Variants in KIRREL3 observed in about 807,000 individuals in gnomAD.
KIRREL3 encodes the protein kirre like nephrin family adhesion molecule 3.
KIRREL3 carries 36 observed loss-of-function variants against 89.7 expected under a neutral mutation model. That is an observed-to-expected ratio of 0.40 (90% CI 0.31 to 0.53). The LOEUF is 0.53. KIRREL3 is among the 20% of genes least tolerant of loss of function. KIRREL3 has a pLI of 0.49. For missense variants in KIRREL3, 864 were observed against 1,056.6 expected, an observed-to-expected ratio of 0.82 and a Z score of 2.53; for synonymous variants, 445 against 441.4, an observed-to-expected ratio of 1.01 and a Z score of -0.10.
In KIRREL3 at chr11:126,872,226, C is replaced by T. The variant is rs767962912; in HGVS notation, c.55+128229G>A. ...GTGTCATGACACTTTACAAATGCCA[C>T]ATCAATATGCCATGGCAATGACCTG... is the stretch of plus-strand genomic sequence containing the variant. On this transcript the variant is annotated intron_variant, in intron 1 of 16. Coordinates refer to ENST00000525144, the MANE Select transcript of KIRREL3 (RefSeq NM_032531.4). This position sits in a 1 kb window ranked among gnomAD's most constrained non-coding sequence, Gnocchi z 4.2. Among the ~76,000 whole-genome samples, 10 of 152,226 alleles carry T rather than the reference C, an allele frequency of 6.6e-5. No individual in the cohort carries two copies. Among genetic ancestry groups the T allele is most frequent in the Non-Finnish European group, 1.2e-4 (8 of 68,042 alleles).
chr11:126,732,191 A>T (rs1306324973), intron 1 of KIRREL3, among the ~76,000 whole-genome samples: 1 of 152,264 alleles, frequency 6.6e-6, no homozygotes, highest in South Asian at 2.1e-4. Context: ...TTTAGGAAGG[A>T]GGTTTATAAG....
At chr11:126,849,002 C>T (rs1944244676) in intron 1 of KIRREL3, among the ~76,000 whole-genome samples, 1 of 152,150 alleles carries the variant, frequency 6.6e-6, no homozygotes, top group Non-Finnish European at 1.5e-5. Context: ...AGAGCCACTC[C>T]ATCTTGAATA....
chr11:126,674,766 G>A (rs916760907), intron 1 of KIRREL3, among the ~76,000 whole-genome samples: 1 of 152,152 alleles, frequency 6.6e-6, no homozygotes, highest in Non-Finnish European at 1.5e-5. Context: ...CTTAATTGCT[G>A]GTCACAGTCA....
Position 126,575,235 on chromosome 11 carries a change from G to C in KIRREL3, c.56-12323C>G, listed in dbSNP as rs950746069. ...CTGGCTTGAAGCTTTGGACAGTCGGGGCAGGTTCTCTCTTGGCTCCTGAGG... is the reference window on the plus strand; with the variant it reads ...CTGGCTTGAAGCTTTGGACAGTCGGCGCAGGTTCTCTCTTGGCTCCTGAGG... On this transcript the variant is annotated intron_variant, in intron 1 of 16. Transcript: ENST00000525144. The surrounding 1 kb of genome is among the most constrained non-coding windows in gnomAD (Gnocchi z 7.0). 6.6e-6 allele frequency among the ~76,000 whole-genome samples: 1 copy of C among 152,178 alleles called. No homozygotes were observed. Among genetic ancestry groups the C allele is most frequent in the Non-Finnish European group, 1.5e-5 (1 of 68,036 alleles).
chr11:126,477,112 C>T lies in KIRREL3; in HGVS notation c.434-3646G>A, dbSNP rs1957088205. ...GTGGGTCCCCAGAGCTGGAAGCCAGCCTAAGAGGCCACAGCGCGGCCTTAG... is the reference window on the plus strand; with the variant it reads ...GTGGGTCCCCAGAGCTGGAAGCCAGTCTAAGAGGCCACAGCGCGGCCTTAG... On this transcript the variant is annotated intron_variant, in intron 4 of 16. Transcript: ENST00000525144. The surrounding 1 kb of genome is among the most constrained non-coding windows in gnomAD (Gnocchi z 4.8). 6.6e-6 allele frequency among the ~76,000 whole-genome samples: 1 copy of T among 152,256 alleles called. No homozygotes were observed. Among genetic ancestry groups the T allele is most frequent in the Non-Finnish European group, 1.5e-5 (1 of 68,046 alleles).
rs1421127183 is a variant in KIRREL3, at chr11:126,476,568, A to G, written c.434-3102T>C. Reference sequence around the variant, plus strand: ...CACCCTCAGAATGGGGCCTGATTACATCTTCCCAAATAAGTGGTTATCATG... The same window carrying G: ...CACCCTCAGAATGGGGCCTGATTACGTCTTCCCAAATAAGTGGTTATCATG... On this transcript the variant is annotated intron_variant, in intron 4 of 16. Coordinates refer to ENST00000525144, the MANE Select transcript of KIRREL3 (RefSeq NM_032531.4). The surrounding 1 kb of genome is among the most constrained non-coding windows in gnomAD (Gnocchi z 6.4). Among the ~76,000 whole-genome samples, 7 of 148,730 alleles carry G rather than the reference A, an allele frequency of 4.7e-5. No homozygotes were observed. Among genetic ancestry groups the G allele is most frequent in the African/African-American group, 1.7e-4 (7 of 40,258 alleles).
intron 1 of KIRREL3, among the ~76,000 whole-genome samples, chr11:126,738,689 C>T (rs555672716): frequency 2.0e-5 from 3 of 152,332 alleles, no homozygotes; most frequent in African/African-American, 7.2e-5. Flanking sequence ...CTCCTTTTCC[C>T]TTCCCAGAAA....
intron 1 of KIRREL3, among the ~76,000 whole-genome samples, chr11:126,720,279 G>A (rs918762898): frequency 1.3e-5 from 2 of 152,182 alleles, no homozygotes; most frequent in African/African-American, 4.8e-5. Flanking sequence ...TTGCTGAGGG[G>A]ATGAATTTAG....
Position 126,754,362 on chromosome 11 carries a change from G to A in KIRREL3, c.56-191450C>T, listed in dbSNP as rs1001564754. ...CTGCTGAAACAGCATTCCTCAGAAC[G>A]TACCTCTCTAACTTTACACTCTCTA... On this transcript the variant is annotated intron_variant, in intron 1 of 16. Transcript: ENST00000525144. This position sits in a 1 kb window ranked among gnomAD's most constrained non-coding sequence, Gnocchi z 5.1. Among the ~76,000 whole-genome samples, 2 of 152,174 alleles carry A rather than the reference G, an allele frequency of 1.3e-5. No homozygotes were observed. The highest frequency in any genetic ancestry group is 2.4e-5 in the African/African-American group (1 of 41,434).
chr11:126,445,251 CCAA>C, intron 9 of KIRREL3, 146 bp from the exon 10 acceptor site: 1 of 1,008,300 alleles, frequency 9.9e-7, no homozygotes, highest in South Asian at 1.6e-5. Flanking sequence ...AGGAAAGAGG[CCAA>C]AAGTTTCCTG....
intron 1 of KIRREL3, among the ~76,000 whole-genome samples, chr11:126,602,011 C>T (rs769229668): frequency 2.6e-5 from 4 of 152,154 alleles, no homozygotes; most frequent in Admixed American, 6.5e-5. Context: ...GCAGGGGCTG[C>T]GGCCTTTTCC....
At chr11:126,928,815 G>A (rs762257923) in intron 1 of KIRREL3, among the ~76,000 whole-genome samples, 2 of 152,162 alleles carry the variant, frequency 1.3e-5, no homozygotes, top group African/African-American at 4.8e-5. Flanking sequence ...GAAGAATTAA[G>A]TTAAGTTTGT....
chr11:126,783,483 A>T lies in KIRREL3; in HGVS notation c.55+216972T>A, dbSNP rs541241532. Reference sequence around the variant, plus strand: ...TATTTGAGGAGGAGGACACAATCCAACACATAACATATTCTCTTCCAAAAA... The same window carrying T: ...TATTTGAGGAGGAGGACACAATCCATCACATAACATATTCTCTTCCAAAAA... On this transcript the variant is annotated intron_variant, in intron 1 of 16. Transcript: ENST00000525144. This position sits in a 1 kb window ranked among gnomAD's most constrained non-coding sequence, Gnocchi z 4.3. 4.6e-5 allele frequency among the ~76,000 whole-genome samples: 7 copies of T among 152,326 alleles called. No homozygotes were observed. The highest frequency in any genetic ancestry group is 8.8e-5 in the Non-Finnish European group (6 of 68,040).
rs951424214 is a variant in KIRREL3, at chr11:126,811,476, A to T, written c.55+188979T>A. ...AGAGTATTCTCATAGCTGTTGACAA[A>T]CTGGACAGATACATGAGTAATGAAT... On this transcript the variant is annotated intron_variant, in intron 1 of 16. Transcript: ENST00000525144. The surrounding 1 kb of genome is among the most constrained non-coding windows in gnomAD (Gnocchi z 4.3). Among the ~76,000 whole-genome samples, 5 of 152,240 alleles carry T rather than the reference A, an allele frequency of 3.3e-5. No homozygotes were observed. The highest frequency in any genetic ancestry group is 9.6e-5 in the African/African-American group (4 of 41,464).
chr11:126,894,573 AAAAGAAAG>A (rs534000266), intron 1 of KIRREL3, among the ~76,000 whole-genome samples: 303 of 136,858 alleles, frequency 2.2e-3, no homozygotes, highest in African/African-American at 7.0e-3. Context: ...AAAAAAAAGG[AAAAGAAAG>A]AAAGAAAGAA....
chr11:126,493,398 G>A (rs1279584176), intron 4 of KIRREL3, among the ~76,000 whole-genome samples: 1 of 152,118 alleles, frequency 6.6e-6, no homozygotes, highest in East Asian at 1.9e-4. Context: ...GCTCACGCCT[G>A]TAATCCTAGC....
chr11:126,463,094 G>C lies in KIRREL3; in HGVS notation c.742+63C>G, dbSNP rs1432761744. 8 of 1,533,964 alleles carry C rather than the reference G, an allele frequency of 5.2e-6. No homozygotes were observed. The highest frequency in any genetic ancestry group is 7.2e-6 in the Non-Finnish European group (8 of 1,118,244). ...ATCAGATGGGCCAGGCTATGGTCAG[G>C]GTTGCTGGGTGTTTCACCCTGGGCC... On this transcript the variant is annotated intron_variant, in intron 6 of 16. Coordinates refer to ENST00000525144, the MANE Select transcript of KIRREL3 (RefSeq NM_032531.4). The surrounding 1 kb of genome is among the most constrained non-coding windows in gnomAD (Gnocchi z 5.9).
At chr11:126,510,009 A>AAAG (rs1958158308) in intron 4 of KIRREL3, among the ~76,000 whole-genome samples, 1 of 149,998 alleles carries the variant, frequency 6.7e-6, no homozygotes, top group African/African-American at 2.5e-5. Context: ...AAAAAAAAAA[A>AAAG]AAAAAAAAAG....
rs931873908 is a variant in KIRREL3 at position 126,995,435 on chromosome 11, CAATA to C, written c.55+5016_55+5019del. 1.2e-5 allele frequency: 5 copies of C among 408,872 alleles called. No homozygotes were observed. The highest frequency in any genetic ancestry group is 1.1e-4 in the African/African-American group (5 of 47,556). 25.3% of individuals were successfully genotyped at this position (408,872 alleles called of 1,614,324 possible). On this transcript the variant is annotated intron_variant, in intron 1 of 16. Coordinates refer to ENST00000525144, the MANE Select transcript of KIRREL3 (RefSeq NM_032531.4). The surrounding 1 kb of genome is among the most constrained non-coding windows in gnomAD (Gnocchi z 6.5). ...TGCCTCTCTGTTTCTTGATGGACCC[CAATA>C]AAAAAACGCCTGCACTGTTTTTCAC...
Sources: allele counts gnomAD v4.1 joint callset (sites outside exome capture counted in the v4.1 genomes callset), GRCh38; gene constraint gnomAD v4.1.1; non-coding constraint Gnocchi (gnomAD v3.1); transcripts MANE v1.5; gene names NCBI Gene and HGNC (gene_info 2026-07-23, HGNC 2026-07-21).